The following RBFOX1 variants were observed in gnomAD, a reference collection of about 807,000 sequenced individuals.
RBFOX1 encodes RNA binding protein fox-1 homolog 1.
RBFOX1 carries 8 observed loss-of-function variants against 57.7 expected under a neutral mutation model. The ratio of observed to expected loss-of-function variants is 0.14; its 90% CI spans 0.08 to 0.25. The LOEUF (loss-of-function observed/expected upper bound fraction) is 0.25. RBFOX1 is among the 10% of genes least tolerant of loss of function. RBFOX1 has a pLI of 1.00. For synonymous variants in RBFOX1, 326 were observed against 222.4 expected, an observed-to-expected ratio of 1.47 and a Z score of -4.15; for missense variants, 611 against 548.5, an observed-to-expected ratio of 1.11 and a Z score of -1.14.
At chr16:7,114,052 G>C (rs9931899) in intron 4 of RBFOX1, among the ~76,000 whole-genome samples, 39,018 of 152,042 alleles carry the variant, frequency 0.26, 5,704 homozygotes, top group East Asian at 0.43. Context: ...GCAAAGAACT[G>C]TCACCTCATA....
intron 3 of RBFOX1, among the ~76,000 whole-genome samples, chr16:6,934,481 C>T (rs1054168809): frequency 6.6e-5 from 10 of 152,236 alleles, no homozygotes; most frequent in Non-Finnish European, 4.4e-5. Flanking sequence ...ACCTAACTGT[C>T]CATCAGTGGG....
At chr16:6,143,977 ATATATC>A (rs939286080) in intron 1 of RBFOX1, among the ~76,000 whole-genome samples, 4 of 150,338 alleles carry the variant, frequency 2.7e-5, no homozygotes, top group Non-Finnish European at 2.9e-5. Flanking sequence ...ATATATATAT[ATATATC>A]TCTACCTACC....
chr16:6,556,265 G>A (rs1255527981), intron 2 of RBFOX1, among the ~76,000 whole-genome samples: 1 of 152,138 alleles, frequency 6.6e-6, no homozygotes, highest in Non-Finnish European at 1.5e-5. Context: ...TGTACAAAAA[G>A]GCATCTTTGT....
At chr16:7,318,502 T>A (rs1445491114) in intron 4 of RBFOX1, among the ~76,000 whole-genome samples, 1 of 152,220 alleles carries the variant, frequency 6.6e-6, no homozygotes, top group East Asian at 1.9e-4. Flanking sequence ...GGGCAAATTA[T>A]TTAACCTTTC....
At chr16:7,688,260 T>TGAGAGAGAGAGAGAGA (rs141940868) in intron 14 of RBFOX1, among the ~76,000 whole-genome samples, 5 of 125,296 alleles carry the variant, frequency 4.0e-5, no homozygotes, top group African/African-American at 1.5e-4. Flanking sequence ...TGTGTGTGTG[T>TGAGAGAGAGAGAGAGA]GAGAGAGAGA....
At chr16:7,359,566 TC>T (rs2097280840) in intron 4 of RBFOX1, among the ~76,000 whole-genome samples, 1 of 152,224 alleles carries the variant, frequency 6.6e-6, no homozygotes, top group Non-Finnish European at 1.5e-5. Flanking sequence ...GAAGTACCCA[TC>T]CTTGTGTCCG....
chr16:6,895,200 A>C (rs1341986904), intron 3 of RBFOX1, among the ~76,000 whole-genome samples: 1 of 151,978 alleles, frequency 6.6e-6, no homozygotes, highest in Non-Finnish European at 1.5e-5. Flanking sequence ...ATGTTCTAGG[A>C]ATTAAAGAAC....
intron 3 of RBFOX1, among the ~76,000 whole-genome samples, chr16:6,806,856 G>C (rs71386443): frequency 0.5 from 60,439 of 119,856 alleles, 15,210 homozygotes; most frequent in Non-Finnish European, 0.54. Flanking sequence ...TTTTTTGAGA[G>C]AAAGTCTTGC....
intron 11 of RBFOX1, among the ~76,000 whole-genome samples, chr16:7,649,658 G>A (rs1432681976): frequency 6.6e-6 from 1 of 152,166 alleles, no homozygotes; most frequent in Non-Finnish European, 1.5e-5. Context: ...CCAGAAGGAA[G>A]ACAAACATTG....
chr16:6,278,542 A>T (rs2152692502), intron 1 of RBFOX1, among the ~76,000 whole-genome samples: 1 of 152,168 alleles, frequency 6.6e-6, no homozygotes, highest in Non-Finnish European at 1.5e-5. Context: ...AAGAAGAAAA[A>T]AATAACAATT....
intron 2 of RBFOX1, among the ~76,000 whole-genome samples, chr16:6,407,183 A>G (rs1000728395): frequency 1.3e-5 from 2 of 152,098 alleles, no homozygotes; most frequent in African/African-American, 2.4e-5. Flanking sequence ...CTATATGTCT[A>G]TATGTCTATA....
intron 4 of RBFOX1, among the ~76,000 whole-genome samples, chr16:7,421,968 C>A (rs901841863): frequency 2.0e-5 from 3 of 152,084 alleles, no homozygotes; most frequent in South Asian, 2.1e-4. Context: ...CATATCTGTT[C>A]CATATTTTTC....
intron 2 of RBFOX1, among the ~76,000 whole-genome samples, chr16:6,484,592 A>T (rs1272069392): frequency 6.6e-6 from 1 of 152,176 alleles, no homozygotes; most frequent in Non-Finnish European, 1.5e-5. Flanking sequence ...GACATCCATC[A>T]GTCTACAATG....
intron 3 of RBFOX1, among the ~76,000 whole-genome samples, chr16:6,870,342 C>T (rs192797030): frequency 6.6e-6 from 1 of 152,072 alleles, no homozygotes; most frequent in African/African-American, 2.4e-5. Context: ...AAACAGAAAT[C>T]TGATATTCCA....
Position 6,794,714 on chromosome 16 carries a change from A to G in RBFOX1, c.-16+140064A>G, listed in dbSNP as rs558874189. Among the ~76,000 whole-genome samples, 14 of 152,328 alleles carry G rather than the reference A, an allele frequency of 9.2e-5. No individual in the cohort carries two copies. In the South Asian group the frequency reaches 1.2e-3, roughly 14 times the overall value. On this transcript the variant is annotated intron_variant, in intron 3 of 15. Coordinates refer to ENST00000550418, the MANE Select transcript of RBFOX1 (RefSeq NM_018723.4). ...CATCCCAGAATGTTTAATGTAAATCATAATAGCAGCTTGGATCCAGTATTC... is the reference window on the plus strand; with the variant it reads ...CATCCCAGAATGTTTAATGTAAATCGTAATAGCAGCTTGGATCCAGTATTC...
intron 3 of RBFOX1, among the ~76,000 whole-genome samples, chr16:6,987,950 C>A (rs1264123401): frequency 6.6e-6 from 1 of 151,928 alleles, no homozygotes; most frequent in Non-Finnish European, 1.5e-5. Context: ...CTTGAGTTTA[C>A]TAAGTGCCAG....
intron 5 of RBFOX1, among the ~76,000 whole-genome samples, chr16:7,577,908 C>A (rs1485789478): frequency 2.6e-5 from 4 of 152,192 alleles, no homozygotes; most frequent in African/African-American, 9.7e-5. Context: ...AAAACAACAA[C>A]AAAAGACAAT....
intron 3 of RBFOX1, among the ~76,000 whole-genome samples, chr16:7,007,634 G>A (rs945120763): frequency 6.6e-6 from 1 of 152,152 alleles, no homozygotes; most frequent in Non-Finnish European, 1.5e-5. Flanking sequence ...CAATGTAAAT[G>A]TACGTTTCTA....
chr16:6,346,985 T>C (rs2085481525), intron 2 of RBFOX1, among the ~76,000 whole-genome samples: 3 of 152,162 alleles, frequency 2.0e-5, no homozygotes, highest in Admixed American at 2.0e-4. Flanking sequence ...GGTCTTTCCA[T>C]GTACAGCCTT....
Sources: gnomAD v4.1 joint callset for allele counts (sites outside exome capture counted in the v4.1 genomes callset) on GRCh38, gnomAD v4.1.1 for gene constraint, MANE v1.5 for transcripts, NCBI Gene and HGNC (gene_info 2026-07-23, HGNC 2026-07-21) for gene names.